The following SLCO6A1 variants were observed in gnomAD, a reference collection of about 807,000 sequenced individuals.
SLCO6A1 encodes the protein cancer/testis antigen 48.
SLCO6A1 carries 65 observed loss-of-function variants against 72.7 expected under a neutral mutation model. The ratio of observed to expected loss-of-function variants is 0.89; its 90% CI spans 0.73 to 1.10. SLCO6A1 has a LOEUF of 1.10. Among genes scored for constraint, SLCO6A1 ranks in the 50% least tolerant of loss-of-function variants. The probability of loss-of-function intolerance (pLI) is 0.00; values close to 1 mark genes in which losing one functional copy is unlikely to be tolerated. For synonymous variants in SLCO6A1, 314 were observed against 298.2 expected, an observed-to-expected ratio of 1.05 and a Z score of -0.55; for missense variants, 874 against 872.6, an observed-to-expected ratio of 1.00 and a Z score of -0.02.
intron 8 of SLCO6A1, among the ~76,000 whole-genome samples, chr5:102,417,413 C>T (rs12109682): frequency 0.059 from 8,868 of 151,494 alleles, 860 homozygotes; most frequent in African/African-American, 0.2. Context: ...TTTTTGTTCA[C>T]TTTTTCCTTT....
chr5:102,420,059 T>C, intron 7 of SLCO6A1, 38 bp from the exon 8 acceptor site: 6 of 1,492,214 alleles, frequency 4.0e-6, no homozygotes, highest in Non-Finnish European at 5.4e-6. Context: ...TTAAAAATAA[T>C]CAGCTGATAG....
At chr5:102,378,186 T>A (rs532548381) in intron 12 of SLCO6A1, among the ~76,000 whole-genome samples, 1 of 152,032 alleles carries the variant, frequency 6.6e-6, no homozygotes, top group Non-Finnish European at 1.5e-5. Context: ...AGTTTTAGGG[T>A]ACATAAGAAA....
At chr5:102,395,746 G>C (rs1747036882) in intron 10 of SLCO6A1, among the ~76,000 whole-genome samples, 1 of 152,156 alleles carries the variant, frequency 6.6e-6, no homozygotes, top group African/African-American at 2.4e-5. Flanking sequence ...ACTGGTGTGA[G>C]ATGGTATCTC....
rs1476738978 is a variant in SLCO6A1, at chr5:102,480,361, C to T, written c.432G>A (p.Lys144=). The T allele has an allele frequency of 6.2e-7, 1 of 1,613,554 alleles. No homozygotes were observed. The highest frequency in any genetic ancestry group is 8.5e-7 in the Non-Finnish European group (1 of 1,179,738). The change falls in exon 2 of 14, where the codon AAG becomes AAA. Residue 144 remains lysine (K), a synonymous_variant. Coordinates refer to ENST00000506729, the MANE Select transcript of SLCO6A1 (RefSeq NM_173488.5). ...QKEYQLKTIE[K]LALEKSYDIS... Reference sequence around the variant, plus strand: ...TATCGTAACTCTTTTCCAATGCCAACTTCTCAATGGTTTTCAGTTGATATT... The same window carrying T: ...TATCGTAACTCTTTTCCAATGCCAATTTCTCAATGGTTTTCAGTTGATATT...
rs190191868 is a variant in SLCO6A1, at chr5:102,396,641, G to A, written c.1814+2914C>T. ...TTTGTTCAAGTCAGACTGCTTTTGT[G>A]TGATATTTGAGTGTGTAGGGGGTGG... On this transcript the variant is annotated intron_variant, in intron 10 of 13. Coordinates refer to ENST00000506729, the MANE Select transcript of SLCO6A1 (RefSeq NM_173488.5). Among the ~76,000 whole-genome samples, 632 of 152,230 alleles carry A rather than the reference G, an allele frequency of 4.2e-3. 10 individuals are homozygous for A. The highest frequency in any genetic ancestry group is 0.015 in the African/African-American group (608 of 41,542).
intron 4 of SLCO6A1, among the ~76,000 whole-genome samples, chr5:102,466,981 T>C (rs540974559): frequency 7.2e-5 from 11 of 152,232 alleles, no homozygotes; most frequent in Non-Finnish European, 1.6e-4. Flanking sequence ...GTTTACTCTG[T>C]TGATAGTTTC....
chr5:102,380,916 G>A (rs10069193), intron 12 of SLCO6A1, among the ~76,000 whole-genome samples: 98,137 of 151,598 alleles, frequency 0.65, 31,967 homozygotes, highest in African/African-American at 0.67. Flanking sequence ...CCAACCACCA[G>A]TCCATGGAAT....
intron 12 of SLCO6A1, among the ~76,000 whole-genome samples, chr5:102,388,265 T>C (rs1746525449): frequency 6.6e-6 from 1 of 152,196 alleles, no homozygotes; most frequent in Admixed American, 6.5e-5. Context: ...ACTCACTGAC[T>C]CAAATACATA....
chr5:102,464,691 A>T (rs929414716), intron 4 of SLCO6A1, among the ~76,000 whole-genome samples: 1 of 152,176 alleles, frequency 6.6e-6, no homozygotes, highest in Admixed American at 6.5e-5. Context: ...GTCATAAGAC[A>T]AATGTAGCCT....
chr5:102,387,614 T>C (rs1382799663), intron 12 of SLCO6A1, among the ~76,000 whole-genome samples: 2 of 152,172 alleles, frequency 1.3e-5, no homozygotes, highest in African/African-American at 4.8e-5. Context: ...TGCTGAATAC[T>C]TGACTTCGGA....
intron 12 of SLCO6A1, among the ~76,000 whole-genome samples, chr5:102,377,779 C>T (rs1322754028): frequency 6.6e-6 from 1 of 151,874 alleles, no homozygotes; most frequent in Non-Finnish European, 1.5e-5. Context: ...TCAAGTGAGT[C>T]TCTTACCTCA....
chr5:102,403,259 G>A (rs951755092), intron 9 of SLCO6A1, among the ~76,000 whole-genome samples: 13 of 152,146 alleles, frequency 8.5e-5, no homozygotes, highest in Admixed American at 8.5e-4. Context: ...TTACCCAAAT[G>A]TACTGTCTCA....
chr5:102,458,412 A>C lies in SLCO6A1; in HGVS notation c.1101T>G (p.Thr367=). The C allele has an allele frequency of 6.2e-7, 1 of 1,612,498 alleles. No individual in the cohort carries two copies. Among genetic ancestry groups the C allele is most frequent in the Non-Finnish European group, 8.5e-7 (1 of 1,179,122 alleles). Residue 367 remains threonine, a synonymous_variant, in exon 6 of 14, where the codon ACT becomes ACG. Coordinates refer to ENST00000506729, the MANE Select transcript of SLCO6A1 (RefSeq NM_173488.5). ...DSRLKDLKLG[T]NIKDLCAALW... ...GAGCAGCACATAAATCCTTGATATT[A>C]GTTCCAAGTTTCAGATCTTTAAGTC...
At chr5:102,406,535 T>C (rs1211503028) in intron 9 of SLCO6A1, among the ~76,000 whole-genome samples, 1 of 151,538 alleles carries the variant, frequency 6.6e-6, no homozygotes, top group Non-Finnish European at 1.5e-5. Flanking sequence ...CAGAATTTAA[T>C]ACAACATTAT....
chr5:102,381,843 ATTG>A (rs2112487244), intron 12 of SLCO6A1, among the ~76,000 whole-genome samples: 2 of 151,136 alleles, frequency 1.3e-5, no homozygotes, highest in South Asian at 4.2e-4. Flanking sequence ...CAGAAATATA[ATTG>A]TTGGCCATTT....
chr5:102,492,949 C>T (rs1229872197), intron 1 of SLCO6A1, among the ~76,000 whole-genome samples: 1 of 152,146 alleles, frequency 6.6e-6, no homozygotes, highest in East Asian at 1.9e-4. Context: ...CTGTAGACTC[C>T]ACCTCTAGGG....
intron 8 of SLCO6A1, among the ~76,000 whole-genome samples, chr5:102,417,360 G>T: frequency 1.3e-5 from 2 of 150,564 alleles, no homozygotes; most frequent in African/African-American, 4.9e-5. Context: ...AATATGGTTA[G>T]GTTTAAATCT....
intron 9 of SLCO6A1, among the ~76,000 whole-genome samples, chr5:102,400,765 A>G (rs2112552598): frequency 6.6e-6 from 1 of 152,244 alleles, no homozygotes; most frequent in South Asian, 2.1e-4. Flanking sequence ...AGACAAATTT[A>G]TGTCAGTTTG....
intron 12 of SLCO6A1, among the ~76,000 whole-genome samples, chr5:102,378,153 C>T (rs1479832899): frequency 6.7e-6 from 1 of 150,220 alleles, no homozygotes; most frequent in East Asian, 1.9e-4. Flanking sequence ...AAGTAATTTT[C>T]TTTTTTTTTA....
Sources: gnomAD v4.1 joint callset for allele counts (sites outside exome capture counted in the v4.1 genomes callset) on GRCh38, gnomAD v4.1.1 for gene constraint, MANE v1.5 for transcripts, NCBI Gene and HGNC (gene_info 2026-07-23, HGNC 2026-07-21) for gene names.